The following CD300C variants were observed in gnomAD, a reference collection of about 807,000 sequenced individuals.
CD300C encodes the protein CMRF35-like molecule 6.
CD300C carries 11 observed loss-of-function variants against 18.4 expected under a neutral mutation model. The ratio of observed to expected loss-of-function variants is 0.60; its 90% confidence interval spans 0.38 to 0.99. The LOEUF (loss-of-function observed/expected upper bound fraction) is 0.99. CD300C is among the 50% of genes least tolerant of loss of function. The pLI is 0.01. For missense variants in CD300C, 277 were observed against 287.4 expected, an observed-to-expected ratio of 0.96 and a Z score of 0.26; for synonymous variants, 116 against 116.3, an observed-to-expected ratio of 1.00 and a Z score of 0.02.
rs960416276 is a variant in CD300C, at chr17:74,543,348, C to T, written c.401-361G>A. ...CCAGAGTGACTGCGAAGCCAGGGCCCTGGGCACAGCAGTGGCTGGAGAGAG... is the reference window on the plus strand; with the variant it reads ...CCAGAGTGACTGCGAAGCCAGGGCCTTGGGCACAGCAGTGGCTGGAGAGAG... On this transcript the variant is annotated intron_variant, in intron 2 of 3. Coordinates refer to ENST00000330793, the MANE Select transcript of CD300C (RefSeq NM_006678.5). Among the ~76,000 whole-genome samples, 4 of 152,346 alleles carry T rather than the reference C, an allele frequency of 2.6e-5. No individual in the cohort carries two copies. In the East Asian group the frequency reaches 5.8e-4, roughly 22 times the overall value.
intron 2 of CD300C, 36 bp downstream of exon 2, chr17:74,544,573 C>T (rs1238918047): frequency 1.3e-6 from 2 of 1,582,234 alleles, no homozygotes; most frequent in South Asian, 1.2e-5. Context: ...GCCCTAGGCT[C>T]AGGCAGGCCT....
downstream of CD300C, among the ~76,000 whole-genome samples, chr17:74,537,164 G>A (rs1009718522): frequency 4.0e-5 from 6 of 151,886 alleles, no homozygotes; most frequent in Admixed American, 1.3e-4. Flanking sequence ...GAAGACGAGA[G>A]AGAAAGGATA....
chr17:74,539,670 G>T (rs934444839), downstream of CD300C, among the ~76,000 whole-genome samples: 3 of 152,178 alleles, frequency 2.0e-5, no homozygotes, highest in African/African-American at 7.2e-5. Context: ...CCTCGGTGCT[G>T]CCACCCTCCC....
Position 74,541,407 on chromosome 17 carries a change from G to A in CD300C, c.*182C>T, listed in dbSNP as rs548460524. The A allele has an allele frequency of 3.4e-5, 21 of 616,082 alleles. No individual in the cohort carries two copies. The highest frequency in any genetic ancestry group is 1.8e-4 in the Admixed American group (7 of 39,504). 38.2% of individuals were successfully genotyped at this position (616,082 alleles called of 1,614,324 possible). On this transcript the variant is annotated 3_prime_UTR_variant, in exon 4 of 4. Coordinates refer to ENST00000330793, the MANE Select transcript of CD300C (RefSeq NM_006678.5). Reference sequence around the variant, plus strand: ...GAGACGTGGACTCACAGCTCAGGGCGTCCATGTCCGTCAGGTTCACATGTG... The same window carrying A: ...GAGACGTGGACTCACAGCTCAGGGCATCCATGTCCGTCAGGTTCACATGTG...
In CD300C at chr17:74,545,871, C is replaced by A; in HGVS notation, c.-89G>T. 1 of 1,097,548 alleles carries A rather than the reference C, an allele frequency of 9.1e-7. No individual in the cohort carries two copies. The highest frequency in any genetic ancestry group is 1.3e-6 in the Non-Finnish European group (1 of 742,186). 68.0% of individuals were successfully genotyped at this position (1,097,548 alleles called of 1,614,324 possible). A position where few individuals can be genotyped will look rare whatever the true frequency, so the allele number is the denominator to read the frequency against. On this transcript the variant is annotated 5_prime_UTR_variant, in exon 1 of 4. Transcript: ENST00000330793. ...CTCCCAGCAGATCTGAGCTTCGCTTCTGCTTTTCTTCTGCTCTCTGCTTCC... is the reference window on the plus strand; with the variant it reads ...CTCCCAGCAGATCTGAGCTTCGCTTATGCTTTTCTTCTGCTCTCTGCTTCC...
At position 74,541,755 on chromosome 17, in the gene CD300C, A is replaced by G. The variant is rs2140253; in HGVS notation, c.528-19T>C. The G allele has an allele frequency of 0.5, 800,522 of 1,604,302 alleles. 205,760 individuals carry two copies. Among genetic ancestry groups the G allele is most frequent in the African/African-American group, 0.79 (58,780 of 74,674 alleles). ...CAGGGAGCTGTGGGGACACGGTGAC[A>G]GGCAGTGAGTCACCTCCCCAGGGGA... is the stretch of plus-strand genomic sequence containing the variant. On this transcript the variant is annotated intron_variant, in intron 3 of 3. Transcript: ENST00000330793.
downstream of CD300C, among the ~76,000 whole-genome samples, chr17:74,537,338 A>G (rs1908411727): frequency 6.6e-6 from 1 of 152,232 alleles, no homozygotes; most frequent in Admixed American, 6.5e-5. Context: ...ACACATCAAC[A>G]TGGATGAATC....
At chr17:74,544,488 C>T in intron 2 of CD300C, 121 bp downstream of exon 2, 1 of 1,029,400 alleles carries the variant, frequency 9.7e-7, no homozygotes, top group Non-Finnish European at 1.4e-6. Flanking sequence ...CACAGCGGCA[C>T]ACAGTGTCCT....
downstream of CD300C, among the ~76,000 whole-genome samples, chr17:74,537,310 T>A (rs578251365): frequency 3.3e-5 from 5 of 152,210 alleles, no homozygotes; most frequent in African/African-American, 1.2e-4. Context: ...TACAAAGAAG[T>A]GACACATCAG....
chr17:74,545,772 C>T lies in CD300C; in HGVS notation c.11G>A (p.Arg4Lys), dbSNP rs1281914374. ...TGAAGACCGCCACGAGGCCCAGGCC[C>T]TGGCAGTCATTCCTGTAACACGAAT... MTA[R>K]AWASWRSSAL... The change falls in exon 1 of 4, where the codon AGG (arginine) becomes AAG (lysine). Residue 4 changes from arginine to lysine, a missense_variant. Arg to Lys is a conservative substitution (Grantham distance 26). Coordinates refer to ENST00000330793, the MANE Select transcript of CD300C (RefSeq NM_006678.5). 1 of 1,608,508 alleles carries T rather than the reference C, an allele frequency of 6.2e-7. No individual in the cohort carries two copies.
At chr17:74,539,961 T>C (rs1403247567), downstream of CD300C, among the ~76,000 whole-genome samples, 1 of 152,208 alleles carries the variant, frequency 6.6e-6, no homozygotes. Context: ...ACAAATTGCT[T>C]GTTGAATGAA....
downstream of CD300C, among the ~76,000 whole-genome samples, chr17:74,536,329 C>T (rs924259791): frequency 2.6e-5 from 4 of 152,004 alleles, no homozygotes; most frequent in Admixed American, 2.0e-4. Context: ...GTCAGGAGAT[C>T]GAGACCATCC....
downstream of CD300C, among the ~76,000 whole-genome samples, chr17:74,539,177 T>C (rs1214215785): frequency 6.6e-6 from 1 of 152,156 alleles, no homozygotes; most frequent in South Asian, 2.1e-4. Context: ...TCATGCCCAA[T>C]AGCACCAGAG....
At chr17:74,535,276 G>C in the CD300C span, among the ~76,000 whole-genome samples, 1 of 152,068 alleles carries the variant, frequency 6.6e-6, no homozygotes, top group Non-Finnish European at 1.5e-5. Context: ...AGACCAGCCT[G>C]ACCAACATGG....
chr17:74,544,818 C>T lies in CD300C; in HGVS notation c.191G>A (p.Arg64Gln), dbSNP rs779710410. The part of the protein sequence containing the change: ...KFWCRPPQIL[R>Q]CDKIVETKGS... The stretch of plus-strand genomic sequence containing the variant: ...TTTGGTCTCCACAATCTTGTCACAT[C>T]GGAGAATCTGTGGTGGTCTGCACCA... Residue 64 changes from arginine (R) to glutamine (Q), a missense_variant, in exon 2 of 4, where the codon CGA becomes CAA. Arg to Gln is a conservative substitution (Grantham distance 43). Transcript: ENST00000330793. 5 of 1,614,136 alleles carry T rather than the reference C, an allele frequency of 3.1e-6. No individual in the cohort carries two copies. The highest frequency in any genetic ancestry group is 1.3e-5 in the African/African-American group (1 of 74,944).
chr17:74,535,647 TATAAAG>T, the CD300C span, among the ~76,000 whole-genome samples: 3 of 152,162 alleles, frequency 2.0e-5, no homozygotes, highest in Non-Finnish European at 4.4e-5. Flanking sequence ...GAGAAATTAT[TATAAAG>T]ATAAATTTCA....
At chr17:74,538,790 G>A (rs1437852460), downstream of CD300C, among the ~76,000 whole-genome samples, 1 of 152,228 alleles carries the variant, frequency 6.6e-6, no homozygotes, top group East Asian at 1.9e-4. Flanking sequence ...GCCCTGTCTA[G>A]TCCTCTTCAC....
Position 74,541,458 on chromosome 17 carries a change from A to G in CD300C, c.*131T>C. Reference sequence around the variant, plus strand: ...ACACATGAGGATCGGGCACAGGGAAAAGGCTGAAGGAGGCTCACAAAGGAT... The same window carrying G: ...ACACATGAGGATCGGGCACAGGGAAGAGGCTGAAGGAGGCTCACAAAGGAT... On this transcript the variant is annotated 3_prime_UTR_variant, in exon 4 of 4. Transcript: ENST00000330793. 2 of 706,160 alleles carry G rather than the reference A, an allele frequency of 2.8e-6. No individual in the cohort carries two copies. Among genetic ancestry groups the G allele is most frequent in the Non-Finnish European group, 5.1e-6 (2 of 391,514 alleles). The allele number at this position is 706,160 out of a possible 1,614,324, so 43.7% of individuals were successfully genotyped here.
intron 3 of CD300C, among the ~76,000 whole-genome samples, chr17:74,542,349 G>T (rs1908581777): frequency 6.6e-6 from 1 of 152,094 alleles, no homozygotes; most frequent in Non-Finnish European, 1.5e-5. Flanking sequence ...CCCTTCCCTG[G>T]CCTGGCCAGG....
Sources: allele counts gnomAD v4.1 joint callset (sites outside exome capture counted in the v4.1 genomes callset), GRCh38; gene constraint gnomAD v4.1.1; transcripts MANE v1.5; gene names NCBI Gene and HGNC (gene_info 2026-07-23, HGNC 2026-07-21).